RGR: variants seen among roughly 807,000 people sequenced by gnomAD.
The protein encoded by RGR is retinal G protein coupled receptor.
Under a neutral mutation model 28.6 loss-of-function variants are expected in RGR, and 30 were observed. The ratio of observed to expected loss-of-function variants is 1.05; its 90% confidence interval spans 0.78 to 1.42. RGR has a LOEUF of 1.42. Among genes scored for constraint, RGR ranks in the 40% most tolerant of loss-of-function variants. The pLI, the probability that RGR is intolerant of heterozygous loss-of-function variation, is 0.00. For missense variants in RGR, 404 were observed against 375.6 expected, an observed-to-expected ratio of 1.08 and a Z score of -0.62; for synonymous variants, 180 against 156.4, an observed-to-expected ratio of 1.15 and a Z score of -1.13.
At chr10:84,253,938 GAC>G (rs1045962495) in intron 4 of RGR, among the ~76,000 whole-genome samples, 1 of 152,198 alleles carries the variant, frequency 6.6e-6, no homozygotes, top group Admixed American at 6.5e-5. Flanking sequence ...TTTCTTCAGT[GAC>G]ACAGTATCCA....
chr10:84,245,079 G>A lies in RGR; in HGVS notation c.-12G>A. 2 of 1,613,384 alleles carry A rather than the reference G, an allele frequency of 1.2e-6. No homozygotes were observed. Among genetic ancestry groups the A allele is most frequent in the East Asian group, 2.2e-5 (1 of 44,866 alleles). ...GAGACAGCTGGGCCACTGGCAGTGA[G>A]GGAGAGTGAGGATGGCAGAGACCAG... On this transcript the variant is annotated 5_prime_UTR_variant, in exon 1 of 7. Coordinates refer to ENST00000652092, the MANE Select transcript of RGR (RefSeq NM_001012720.2).
Position 84,257,844 on chromosome 10 carries a change from G to T in RGR, c.631-49G>T, listed in dbSNP as rs772549423. ...CTGGTTTTCTTGGCCACATAGGGCT[G>T]TGGGCCACCTGGAGCAAGCTGACAT... is the stretch of plus-strand genomic sequence containing the variant. On this transcript the variant is annotated intron_variant, in intron 5 of 6. Coordinates refer to ENST00000652092, the MANE Select transcript of RGR (RefSeq NM_001012720.2). The T allele has an allele frequency of 1.9e-6, 3 of 1,557,404 alleles. No homozygotes were observed. The South Asian group carries it at 3.3e-5, about 17-fold the overall frequency.
intron 1 of RGR, 59 bp from the exon 2 acceptor site, chr10:84,247,532 T>A: frequency 6.2e-7 from 1 of 1,603,912 alleles, no homozygotes; most frequent in Non-Finnish European, 8.5e-7. Context: ...CCACACACAC[T>A]GTTCTGACCC....
At chr10:84,247,540 C>T (rs1171862268) in intron 1 of RGR, 51 bp from the exon 2 acceptor site, 3 of 1,610,148 alleles carry the variant, frequency 1.9e-6, no homozygotes, top group Non-Finnish European at 1.7e-6. Flanking sequence ...ACTGTTCTGA[C>T]CCCAGCTGGG....
chr10:84,253,298 T>A (rs1842842514), intron 4 of RGR, among the ~76,000 whole-genome samples: 1 of 152,114 alleles, frequency 6.6e-6, no homozygotes, highest in South Asian at 2.1e-4. Flanking sequence ...GTGGTAACAG[T>A]CACCAAGCCG....
rs906906506 is a variant in RGR, at chr10:84,259,392, G to C, written c.*753G>C. 1 of 152,318 alleles carries C rather than the reference G, an allele frequency of 6.6e-6. No homozygotes were observed. Among genetic ancestry groups the C allele is most frequent in the Non-Finnish European group, 1.5e-5 (1 of 68,212 alleles). The allele number at this position is 152,318 out of a possible 1,614,324, so 9.4% of individuals were successfully genotyped here. On this transcript the variant is annotated 3_prime_UTR_variant, in exon 7 of 7. Coordinates refer to ENST00000652092, the MANE Select transcript of RGR (RefSeq NM_001012720.2). ...TTGATATACTGATTTCTTTTCCTTT[G>C]GGTAGATACCAGTAGTAGGACTGCT...
chr10:84,245,080 G>C lies in RGR; in HGVS notation c.-11G>C, dbSNP rs1842730362. 1.9e-6 allele frequency: 3 copies of C among 1,613,422 alleles called. No homozygotes were observed. The highest frequency in any genetic ancestry group is 1.7e-4 in the Middle Eastern group (1 of 5,932). On this transcript the variant is annotated 5_prime_UTR_variant, in exon 1 of 7. Transcript: ENST00000652092. ...AGACAGCTGGGCCACTGGCAGTGAG[G>C]GAGAGTGAGGATGGCAGAGACCAGT...
At chr10:84,256,443 T>C (rs1330994486) in intron 5 of RGR, among the ~76,000 whole-genome samples, 2 of 152,164 alleles carry the variant, frequency 1.3e-5, no homozygotes, top group Admixed American at 6.5e-5. Flanking sequence ...ACCACACACC[T>C]GGATTCAAAC....
intron 5 of RGR, among the ~76,000 whole-genome samples, chr10:84,256,063 T>TC (rs1267052661): frequency 2.0e-5 from 1 of 50,038 alleles, no homozygotes; most frequent in African/African-American, 1.9e-4. Flanking sequence ...TCCTTTCTTT[T>TC]TTTTTTTTTT....
At position 84,245,123 on chromosome 10, in the gene RGR, C is replaced by T. The variant is rs200464418; in HGVS notation, c.33C>T (p.Phe11=). 90 of 1,613,434 alleles carry T rather than the reference C, an allele frequency of 5.6e-5. No homozygotes were observed. The highest frequency in any genetic ancestry group is 6.4e-5 in the Non-Finnish European group (76 of 1,179,842). ...AGACCAGTGCCCTGCCCACTGGCTT[C>T]GGGGAGCTCGAGGTGCTGGCTGTGG... is the stretch of plus-strand genomic sequence containing the variant. MAETSALPTG[F]GELEVLAVGM... The change falls in exon 1 of 7, where the codon TTC becomes TTT. Residue 11 remains phenylalanine (F), a synonymous_variant. Transcript: ENST00000652092.
intron 5 of RGR, among the ~76,000 whole-genome samples, chr10:84,256,652 C>T (rs563749401): frequency 2.0e-5 from 3 of 152,136 alleles, no homozygotes; most frequent in Non-Finnish European, 4.4e-5. Flanking sequence ...GAATCCAGTC[C>T]CCTGGCTCCC....
rs181452554 is a variant in RGR, at chr10:84,254,058, C to T, written c.513-268C>T. Among the ~76,000 whole-genome samples, 368 of 152,342 alleles carry T rather than the reference C, an allele frequency of 2.4e-3. 3 individuals are homozygous for T. Among genetic ancestry groups the T allele is most frequent in the South Asian group, 0.019 (92 of 4,832 alleles). On this transcript the variant is annotated intron_variant, in intron 4 of 6. Coordinates refer to ENST00000652092, the MANE Select transcript of RGR (RefSeq NM_001012720.2). ...TCCCCACCATTGGGTGAACATGTTT[C>T]CCAAACTAAAATTTCCCATTCTTCA...
At chr10:84,257,265 C>G (rs1312756757) in intron 5 of RGR, among the ~76,000 whole-genome samples, 1 of 152,180 alleles carries the variant, frequency 6.6e-6, no homozygotes, top group Non-Finnish European at 1.5e-5. Flanking sequence ...ATCTCCCGCT[C>G]TCTGGACAAG....
At chr10:84,254,572 G>A in intron 5 of RGR, 129 bp downstream of exon 5, 1 of 818,046 alleles carries the variant, frequency 1.2e-6, no homozygotes, top group Non-Finnish European at 2.1e-6. Flanking sequence ...TGCAGCAAAA[G>A]CTTATTCAGC....
rs534375404 is a variant in RGR at position 84,248,541 on chromosome 10, C to T, written c.237-381C>T. The T allele has an allele frequency of 1.5e-3, 526 of 340,466 alleles. 2 individuals are homozygous for T. Among genetic ancestry groups the T allele is most frequent in the Non-Finnish European group, 2.3e-3 (418 of 178,414 alleles). 21.1% of individuals were successfully genotyped at this position (340,466 alleles called of 1,614,324 possible). ...GCTTGCCCTTTTAGGCTGGGGAGGCCTGGGATCTCCCCTCTGACTTTGCCT... is the reference window on the plus strand; with the variant it reads ...GCTTGCCCTTTTAGGCTGGGGAGGCTTGGGATCTCCCCTCTGACTTTGCCT... On this transcript the variant is annotated intron_variant, in intron 2 of 6. Coordinates refer to ENST00000652092, the MANE Select transcript of RGR (RefSeq NM_001012720.2).
At position 84,252,952 on chromosome 10, in the gene RGR, C is replaced by A. The variant is rs150808273; in HGVS notation, c.454C>A (p.His152Asn). 1.1e-3 allele frequency: 1,847 copies of A among 1,614,090 alleles called. 7 individuals are homozygous for A. The highest frequency in any genetic ancestry group is 1.4e-3 in the Non-Finnish European group (1,693 of 1,180,036). Reference protein sequence around the residue: ...WAALPLLGWGHYDYEPLGTCC... With the variant: ...WAALPLLGWGNYDYEPLGTCC... Reference sequence around the variant, plus strand: ...AGCTCTGCCCCTTCTGGGTTGGGGTCACTACGACTATGAGCCACTGGGGAC... The same window carrying A: ...AGCTCTGCCCCTTCTGGGTTGGGGTAACTACGACTATGAGCCACTGGGGAC... Residue 152 changes from histidine (H) to asparagine (N), a missense_variant, in exon 4 of 7, where the codon CAC (histidine) becomes AAC (asparagine). Coordinates refer to ENST00000652092, the MANE Select transcript of RGR (RefSeq NM_001012720.2).
intron 3 of RGR, chr10:84,250,874 C>T (rs182691516): frequency 6.7e-6 from 1 of 149,758 alleles, no homozygotes; most frequent in East Asian, 2.0e-4. Context: ...CACCACTGCA[C>T]TCCAGCCTGG....
chr10:84,253,961 T>C (rs907059819), intron 4 of RGR, among the ~76,000 whole-genome samples: 2 of 152,260 alleles, frequency 1.3e-5, no homozygotes, highest in Admixed American at 6.5e-5. Flanking sequence ...GTCTTCTTGT[T>C]ATCCCGTCTC....
Position 84,258,970 on chromosome 10 carries a change from C to A in RGR, c.*331C>A, listed in dbSNP as rs563165735. On this transcript the variant is annotated 3_prime_UTR_variant, in exon 7 of 7. Coordinates refer to ENST00000652092, the MANE Select transcript of RGR (RefSeq NM_001012720.2). ...GTGAAGTCTGGGCTTTTAGTGTAAC[C>A]ATCACCCTAATAATATACGTTGTAC... is the stretch of plus-strand genomic sequence containing the variant. 1.3e-3 allele frequency: 471 copies of A among 374,370 alleles called. No individual in the cohort carries two copies. Among genetic ancestry groups the A allele is most frequent in the Non-Finnish European group, 2.1e-3 (411 of 193,306 alleles). The allele number at this position is 374,370 out of a possible 1,614,324, so 23.2% of individuals were successfully genotyped here. A position where few individuals can be genotyped will look rare whatever the true frequency, so the allele number is the denominator to read the frequency against.
Sources: allele counts gnomAD v4.1 joint callset (sites outside exome capture counted in the v4.1 genomes callset), GRCh38; gene constraint gnomAD v4.1.1; transcripts MANE v1.5; gene names NCBI Gene and HGNC (gene_info 2026-07-23, HGNC 2026-07-21).